The following LUZP2 variants were observed in gnomAD, a reference collection of about 807,000 sequenced individuals.
LUZP2 encodes leucine zipper protein 2.
Under a neutral mutation model 51.6 loss-of-function variants are expected in LUZP2, and 52 were observed. The observed-to-expected ratio is 1.01, with a 90% CI of 0.81 to 1.27. The LOEUF (loss-of-function observed/expected upper bound fraction) is 1.27, where lower values mean the gene tolerates loss of function less well. LUZP2 is among the 50% of genes most tolerant of loss of function. LUZP2 has a pLI of 0.00. For synonymous variants in LUZP2, 154 were observed against 137.3 expected (o/e 1.12, Z -0.85); for missense variants, 436 against 395.4 (o/e 1.10, Z -0.87).
At chr11:24,610,167 A>G (rs1361444598) in intron 1 of LUZP2, among the ~76,000 whole-genome samples, 2 of 152,226 alleles carry the variant, frequency 1.3e-5, no homozygotes, top group Admixed American at 1.3e-4. Context: ...TGATGGGGAA[A>G]AATAGACTTT....
intron 7 of LUZP2, among the ~76,000 whole-genome samples, chr11:24,938,260 A>C (rs1590752918): frequency 1.3e-5 from 2 of 152,112 alleles, no homozygotes; most frequent in East Asian, 3.8e-4. Flanking sequence ...TCTATTTTTT[A>C]ATTAAAGAAA....
At chr11:24,634,340 G>A (rs777583650) in intron 1 of LUZP2, among the ~76,000 whole-genome samples, 21 of 152,000 alleles carry the variant, frequency 1.4e-4, no homozygotes, top group Non-Finnish European at 2.6e-4. Flanking sequence ...AAACATTATG[G>A]TAGAGGTCCT....
chr11:24,897,643 G>A (rs1464227068), intron 5 of LUZP2, among the ~76,000 whole-genome samples: 4 of 152,102 alleles, frequency 2.6e-5, no homozygotes, highest in African/African-American at 9.7e-5. Flanking sequence ...ACAAACTCTG[G>A]ACACACATAT....
At chr11:24,808,075 ATAG>A (rs1184743983) in intron 5 of LUZP2, among the ~76,000 whole-genome samples, 2 of 152,332 alleles carry the variant, frequency 1.3e-5, no homozygotes, top group African/African-American at 4.8e-5. Context: ...AATGTAAATA[ATAG>A]TAATAGAAAT....
chr11:24,742,141 C>T (rs561145676), intron 4 of LUZP2, among the ~76,000 whole-genome samples: 5 of 147,014 alleles, frequency 3.4e-5, no homozygotes, highest in African/African-American at 7.6e-5. Flanking sequence ...TTTGCAATTG[C>T]GAATTGTGCA....
At chr11:24,539,869 G>C (rs1049070154) in intron 1 of LUZP2, among the ~76,000 whole-genome samples, 3 of 151,958 alleles carry the variant, frequency 2.0e-5, no homozygotes, top group African/African-American at 7.2e-5. Flanking sequence ...AGCTGTATCT[G>C]ACACATATTA....
At chr11:24,585,340 C>A (rs565640095) in intron 1 of LUZP2, among the ~76,000 whole-genome samples, 3 of 152,242 alleles carry the variant, frequency 2.0e-5, no homozygotes, top group African/African-American at 7.2e-5. Context: ...TGGACCTGTC[C>A]AGCTGCCATC....
chr11:24,941,660 T>C lies in LUZP2; in HGVS notation c.522+27122T>C, dbSNP rs572882081. Among the ~76,000 whole-genome samples, 13 of 152,318 alleles carry C rather than the reference T, an allele frequency of 8.5e-5. No individual in the cohort carries two copies. The East Asian group carries it at 1.3e-3, about 16-fold the overall frequency. On this transcript the variant is annotated intron_variant, in intron 7 of 11. Coordinates refer to ENST00000336930, the MANE Select transcript of LUZP2 (RefSeq NM_001009909.4). ...CAAAGCACCATCATTTGTACTCTTA[T>C]GTTTTCATAGTCTAACACCTCACAT...
At chr11:24,628,091 G>A (rs1854745740) in intron 1 of LUZP2, among the ~76,000 whole-genome samples, 1 of 152,076 alleles carries the variant, frequency 6.6e-6, no homozygotes, top group South Asian at 2.1e-4. Context: ...TCTCTGGAAG[G>A]AGCAGGGTTG....
intron 1 of LUZP2, among the ~76,000 whole-genome samples, chr11:24,623,132 G>A (rs1476598659): frequency 1.3e-5 from 2 of 151,852 alleles, no homozygotes; most frequent in Non-Finnish European, 2.9e-5. Flanking sequence ...GATTGAGAGA[G>A]AGAAGCAGGC....
intron 9 of LUZP2, among the ~76,000 whole-genome samples, chr11:25,048,864 G>A (rs987509529): frequency 1.3e-5 from 2 of 151,532 alleles, no homozygotes; most frequent in Non-Finnish European, 2.9e-5. Context: ...TATACCCAGA[G>A]CCCAGCATTT....
At position 24,874,647 on chromosome 11, in the gene LUZP2, A is replaced by G. The variant is rs148588405; in HGVS notation, c.397-31344A>G. Among the ~76,000 whole-genome samples the G allele has an allele frequency of 2.2e-4, 33 of 152,252 alleles. No individual in the cohort carries two copies. In the East Asian group the frequency reaches 2.7e-3, roughly 13 times the overall value. On this transcript the variant is annotated intron_variant, in intron 5 of 11. Transcript: ENST00000336930. Reference sequence around the variant, plus strand: ...TGTGATACAAGTACTTTCTCATCACATGGATAAGTGCCTTGGAAACAACAC... The same window carrying G: ...TGTGATACAAGTACTTTCTCATCACGTGGATAAGTGCCTTGGAAACAACAC...
At position 25,059,226 on chromosome 11, in the gene LUZP2, G is replaced by A. The variant is rs149644034; in HGVS notation, c.858+9096G>A. Among the ~76,000 whole-genome samples, 940 of 152,184 alleles carry A rather than the reference G, an allele frequency of 6.2e-3. 2 individuals carry two copies. Among genetic ancestry groups the A allele is most frequent in the Non-Finnish European group, 0.01 (687 of 68,004 alleles). ...TCTCTTTAGTGAAGTATAAAGAAGC[G>A]TTTAATAACAATAACAAAGTCATAG... is the stretch of plus-strand genomic sequence containing the variant. On this transcript the variant is annotated intron_variant, in intron 10 of 11. Coordinates refer to ENST00000336930, the MANE Select transcript of LUZP2 (RefSeq NM_001009909.4).
chr11:24,808,090 A>G (rs569422520), intron 5 of LUZP2, among the ~76,000 whole-genome samples: 5 of 152,346 alleles, frequency 3.3e-5, no homozygotes, highest in African/African-American at 1.2e-4. Flanking sequence ...AATAGAAATA[A>G]GAACAATAAT....
At chr11:25,016,676 G>A (rs77340118) in intron 9 of LUZP2, among the ~76,000 whole-genome samples, 3,172 of 152,086 alleles carry the variant, frequency 0.021, 53 homozygotes, top group South Asian at 0.084. Flanking sequence ...CTTATCAGTT[G>A]ATGTTCACTT....
At chr11:24,710,375 A>C (rs934420973) in intron 1 of LUZP2, among the ~76,000 whole-genome samples, 1 of 152,072 alleles carries the variant, frequency 6.6e-6, no homozygotes, top group Admixed American at 6.6e-5. Context: ...TTGCAAAATC[A>C]ATATTGCTCC....
At chr11:24,543,398 T>C (rs1851439698) in intron 1 of LUZP2, among the ~76,000 whole-genome samples, 1 of 152,096 alleles carries the variant, frequency 6.6e-6, no homozygotes, top group Non-Finnish European at 1.5e-5. Flanking sequence ...ATTGTGTCTA[T>C]GTGACCATGT....
chr11:25,032,193 T>C (rs1681230104), intron 9 of LUZP2, among the ~76,000 whole-genome samples: 1 of 152,172 alleles, frequency 6.6e-6, no homozygotes, highest in Non-Finnish European at 1.5e-5. Context: ...CTGGGCCACC[T>C]TGATTTTAGC....
intron 1 of LUZP2, among the ~76,000 whole-genome samples, chr11:24,649,675 A>G (rs906514988): frequency 2.0e-5 from 3 of 151,900 alleles, no homozygotes. Flanking sequence ...GATAGGTGTT[A>G]TAACCTGAAT....
Sources: gnomAD v4.1 joint callset for allele counts (sites outside exome capture counted in the v4.1 genomes callset) on GRCh38, gnomAD v4.1.1 for gene constraint, MANE v1.5 for transcripts, NCBI Gene and HGNC (gene_info 2026-07-23, HGNC 2026-07-21) for gene names.